The following APMAP variants were observed in gnomAD, a reference collection of about 807,000 sequenced individuals.
APMAP encodes the protein adipocyte plasma membrane associated protein.
Under a neutral mutation model 43.6 loss-of-function variants are expected in APMAP, and 33 were observed. That is an observed-to-expected ratio of 0.76 (90% CI 0.57 to 1.01). APMAP has a LOEUF of 1.01. Among genes scored for constraint, APMAP ranks in the 50% least tolerant of loss-of-function variants. APMAP has a pLI of 0.00. For missense variants in APMAP, 498 were observed against 540.7 expected (o/e 0.92, Z 0.78); for synonymous variants, 224 against 216.7 (o/e 1.03, Z -0.30).
At position 24,969,103 on chromosome 20, in the gene APMAP, C is replaced by A. The variant is rs369208632; in HGVS notation, c.849-19G>T. The A allele has an allele frequency of 1.3e-6, 2 of 1,566,690 alleles. No individual in the cohort carries two copies. Among genetic ancestry groups the A allele is most frequent in the Admixed American group, 1.9e-5 (1 of 51,368 alleles). ...GTAGACTCTGAAAAATTCACCCAAG[C>A]AGAGAGTGAACCATAGCCCCTCAAT... On this transcript the variant is annotated intron_variant, in intron 7 of 8. Transcript: ENST00000217456.
chr20:24,970,274 A>G lies in APMAP; in HGVS notation c.636T>C (p.Ile212=). Residue 212 remains isoleucine (I), a synonymous_variant, in exon 6 of 9, where the codon ATT becomes ATC. Transcript: ENST00000217456. The part of the protein sequence containing the change: ...DLTVTQDGRK[I]YFTDSSSKWQ... ...ATTTGCTGCTAGAATCGGTGAAATA[A>G]ATCTTCCTCCCATCCTGAGTGACTG... 6.2e-7 allele frequency: 1 copy of G among 1,613,684 alleles called. No homozygotes were observed. Among genetic ancestry groups the G allele is most frequent in the Non-Finnish European group, 8.5e-7 (1 of 1,179,988 alleles).
In APMAP at chr20:24,969,047, G is replaced by C. The variant is rs2087973475; in HGVS notation, c.886C>G (p.Leu296Val). The C allele has an allele frequency of 6.2e-7, 1 of 1,613,398 alleles. No homozygotes were observed. Among genetic ancestry groups the C allele is most frequent in the African/African-American group, 1.3e-5 (1 of 74,982 alleles). The change falls in exon 8 of 9, where the codon CTG becomes GTG. Residue 296 changes from leucine to valine, a missense_variant. By Grantham distance (32) the Leu-to-Val change is conservative. Transcript: ENST00000217456. ...AATCCAGGCATGTTCTCCACAAACA[G>C]ATCAGCCCCGCCCTTCATCAGGCCA... ...VSGLMKGGAD[L>V]FVENMPGFPD...
chr20:24,982,696 C>T (rs951769473), intron 2 of APMAP, among the ~76,000 whole-genome samples: 25 of 152,192 alleles, frequency 1.6e-4, no homozygotes, highest in African/African-American at 6.0e-4. Context: ...GCTGTGGACA[C>T]AGTTCACTCC....
At chr20:24,989,280 G>A (rs1295126877) in intron 1 of APMAP, among the ~76,000 whole-genome samples, 2 of 151,870 alleles carry the variant, frequency 1.3e-5, no homozygotes, top group African/African-American at 2.4e-5. Context: ...GAGCCTGGAG[G>A]GATGCCCATC....
At chr20:24,964,952 C>T (rs911378705) in intron 8 of APMAP, among the ~76,000 whole-genome samples, 1 of 152,164 alleles carries the variant, frequency 6.6e-6, no homozygotes, top group Non-Finnish European at 1.5e-5. Flanking sequence ...CTAGGAAATG[C>T]CATCTCCTGC....
chr20:24,981,773 T>A (rs992073785), intron 2 of APMAP, among the ~76,000 whole-genome samples: 8 of 152,254 alleles, frequency 5.3e-5, no homozygotes, highest in African/African-American at 1.9e-4. Context: ...TATTTTTTTT[T>A]ACCATAAATT....
chr20:24,981,001 G>C (rs55908555), intron 2 of APMAP, among the ~76,000 whole-genome samples: 1 of 152,174 alleles, frequency 6.6e-6, no homozygotes, highest in Non-Finnish European at 1.5e-5. Flanking sequence ...ACTCCCGTGA[G>C]AGCTTAGACC....
At chr20:24,967,156 G>C (rs944805989) in intron 8 of APMAP, among the ~76,000 whole-genome samples, 1 of 152,104 alleles carries the variant, frequency 6.6e-6, no homozygotes, top group African/African-American at 2.4e-5. Flanking sequence ...TTAGCCAAGC[G>C]TGGTGGTACA....
At chr20:24,969,947 T>C (rs6114966) in intron 6 of APMAP, among the ~76,000 whole-genome samples, 13,678 of 152,196 alleles carry the variant, frequency 0.09, 701 homozygotes, top group Middle Eastern at 0.12. Flanking sequence ...GCCTCCGGGG[T>C]CTCTCTCGAC....
chr20:24,971,757 G>A (rs994152836), intron 4 of APMAP, among the ~76,000 whole-genome samples, 181 bp from the exon 5 acceptor site: 2 of 152,214 alleles, frequency 1.3e-5, no homozygotes, highest in Admixed American at 6.5e-5. Flanking sequence ...ATTGCAAGGT[G>A]TTCATTGTGG....
chr20:24,981,419 G>A (rs2088103910), intron 2 of APMAP, among the ~76,000 whole-genome samples: 1 of 152,194 alleles, frequency 6.6e-6, no homozygotes, highest in Non-Finnish European at 1.5e-5. Context: ...CCCACAGACT[G>A]CACAAAGGTT....
At chr20:24,971,427 C>T in intron 5 of APMAP, 33 bp downstream of exon 5, 2 of 1,570,556 alleles carry the variant, frequency 1.3e-6, no homozygotes, top group Non-Finnish European at 8.8e-7. Context: ...GATCTAAAAT[C>T]TTCATAGAAG....
intron 2 of APMAP, among the ~76,000 whole-genome samples, chr20:24,981,677 C>A (rs750435748): frequency 2.0e-5 from 3 of 152,234 alleles, no homozygotes; most frequent in Non-Finnish European, 2.9e-5. Context: ...TCTAACAGTA[C>A]TGCAACTTTC....
At chr20:24,973,819 GT>G in intron 3 of APMAP, 82 bp from the exon 4 acceptor site, 1 of 1,201,078 alleles carries the variant, frequency 8.3e-7, no homozygotes, top group Non-Finnish European at 1.2e-6. Flanking sequence ...AAGAGGGCTT[GT>G]TTACATGTTC....
At chr20:24,987,665 A>T (rs2088159591) in intron 1 of APMAP, among the ~76,000 whole-genome samples, 1 of 152,210 alleles carries the variant, frequency 6.6e-6, no homozygotes, top group South Asian at 2.1e-4. Flanking sequence ...AGTGACAAGA[A>T]TGTTCTAAAC....
intron 4 of APMAP, among the ~76,000 whole-genome samples, chr20:24,972,855 T>C (rs1284588859): frequency 6.6e-6 from 1 of 151,724 alleles, no homozygotes; most frequent in Non-Finnish European, 1.5e-5. Context: ...CAAATGCTTA[T>C]TGCAGGGTGT....
At chr20:24,978,745 C>CGT (rs1555845604) in intron 3 of APMAP, 22 bp downstream of exon 3, 3 of 1,343,140 alleles carry the variant, frequency 2.2e-6, no homozygotes, top group Non-Finnish European at 3.1e-6. Flanking sequence ...AAGGCTCCCC[C>CGT]CCCACCCAAG....
rs1193915350 is a variant in APMAP at position 24,970,309 on chromosome 20, T to C, written c.601A>G (p.Asn201Asp). 3 of 1,613,936 alleles carry C rather than the reference T, an allele frequency of 1.9e-6. No homozygotes were observed. The highest frequency in any genetic ancestry group is 1.7e-6 in the Non-Finnish European group (2 of 1,179,970). ...CCATCCTGAGTGACTGTAAGATCATTCACAAAGGACATGTTCTTCCCCTCA... is the reference window on the plus strand; with the variant it reads ...CCATCCTGAGTGACTGTAAGATCATCCACAAAGGACATGTTCTTCCCCTCA... ...PIEGKNMSFVNDLTVTQDGRK... is the reference protein window; with the variant it reads ...PIEGKNMSFVDDLTVTQDGRK... The change falls in exon 6 of 9, where the codon AAT becomes GAT. Residue 201 changes from asparagine (N) to aspartate (D), a missense_variant. Transcript: ENST00000217456.
intron 2 of APMAP, 46 bp from the exon 3 acceptor site, chr20:24,978,928 T>A: frequency 6.8e-7 from 1 of 1,476,464 alleles, no homozygotes. Context: ...AATACACATG[T>A]GAAGAAAATG....
Sources: gnomAD v4.1 joint callset for allele counts (sites outside exome capture counted in the v4.1 genomes callset) on GRCh38, gnomAD v4.1.1 for gene constraint, MANE v1.5 for transcripts, NCBI Gene and HGNC (gene_info 2026-07-23, HGNC 2026-07-21) for gene names.